Variants in DGKH observed in about 807,000 individuals in gnomAD.
The protein encoded by DGKH is DAG kinase eta.
A neutral mutation model predicts 159.3 loss-of-function variants in DGKH; 90 were observed. The ratio of observed to expected loss-of-function variants is 0.57; its 90% confidence interval spans 0.48 to 0.67. DGKH has a LOEUF of 0.67. Among genes scored for constraint, DGKH ranks in the 30% least tolerant of loss-of-function variants. DGKH has a pLI of 0.00. For missense variants in DGKH, 1,181 were observed against 1,506.1 expected (o/e 0.78, Z 3.57); for synonymous variants, 536 against 553.8 (o/e 0.97, Z 0.45).
intron 3 of DGKH, among the ~76,000 whole-genome samples, chr13:42,132,838 C>T (rs1955314725): frequency 6.6e-6 from 1 of 152,040 alleles, no homozygotes; most frequent in South Asian, 2.1e-4. Context: ...GAGCCATGAT[C>T]CCAGCCTGGG....
intron 30 of DGKH, chr13:42,255,740 G>A: frequency 2.4e-6 from 1 of 408,606 alleles, no homozygotes; most frequent in Non-Finnish European, 4.3e-6. Context: ...ATGACATGTG[G>A]GAAGCAAAAC....
chr13:42,166,717 C>T (rs376902506), intron 9 of DGKH, 43 bp downstream of exon 9: 230 of 1,476,012 alleles, frequency 1.6e-4, no homozygotes, highest in Non-Finnish European at 2.0e-4. Flanking sequence ...CAATGTAGGA[C>T]TAGGTGTTAA....
rs116055196 is a variant in DGKH, at chr13:42,233,326, G to C, written c.*4138G>C. ...CCAGCAGCATCAATATTACCTGGGAGCTTACAGAAATGCAGAATTTCAGGC... is the reference window on the plus strand; with the variant it reads ...CCAGCAGCATCAATATTACCTGGGACCTTACAGAAATGCAGAATTTCAGGC... On this transcript the variant is annotated 3_prime_UTR_variant, in exon 30 of 30. Coordinates refer to ENST00000337343, the MANE Select transcript of DGKH (RefSeq NM_178009.5). The C allele has an allele frequency of 1.3e-5, 2 of 152,174 alleles. No homozygotes were observed. Among genetic ancestry groups the C allele is most frequent in the African/African-American group, 4.8e-5 (2 of 41,430 alleles). The allele number at this position is 152,174 out of a possible 1,614,324, so 9.4% of individuals were successfully genotyped here.
intron 1 of DGKH, among the ~76,000 whole-genome samples, chr13:42,124,591 G>A (rs1392058663): frequency 6.6e-6 from 1 of 152,130 alleles, no homozygotes; most frequent in Admixed American, 6.6e-5. Flanking sequence ...GGTGGTAATG[G>A]TGTATTTGGT....
At chr13:42,195,823 C>T (rs1005881641) in intron 17 of DGKH, 11 of 151,936 alleles carry the variant, frequency 7.2e-5, no homozygotes, top group African/African-American at 2.4e-4. Context: ...TGGACTTCAC[C>T]GAAATGAATA....
chr13:42,055,280 A>T (rs1881671241), intron 1 of DGKH, among the ~76,000 whole-genome samples: 1 of 152,236 alleles, frequency 6.6e-6, no homozygotes, highest in Non-Finnish European at 1.5e-5. Flanking sequence ...GTCCATTTAA[A>T]AAATCTAATC....
intron 26 of DGKH, among the ~76,000 whole-genome samples, chr13:42,217,292 C>T (rs1036277951): frequency 3.9e-5 from 6 of 152,096 alleles, no homozygotes; most frequent in South Asian, 2.1e-4. Flanking sequence ...CGCACTCTGT[C>T]GCAGTAGCGT....
intron 16 of DGKH, among the ~76,000 whole-genome samples, chr13:42,190,732 C>T (rs1463037852): frequency 6.6e-6 from 1 of 152,204 alleles, no homozygotes; most frequent in Non-Finnish European, 1.5e-5. Context: ...TCACATCCCT[C>T]TCTTATCATG....
intron 1 of DGKH, among the ~76,000 whole-genome samples, chr13:42,115,818 G>A (rs1292171122): frequency 6.6e-6 from 1 of 152,132 alleles, no homozygotes; most frequent in Non-Finnish European, 1.5e-5. Flanking sequence ...GTTTTTCAGA[G>A]ATAATTTTGT....
Position 42,174,067 on chromosome 13 carries a change from A to T in DGKH, c.1375A>T (p.Ile459Leu), listed in dbSNP as rs1956539618. ...GAGTTTTTCTCCCTTCAGGTGGAGT[A>T]TAATGACATATGAACTCAAATTGCC... ...ASTKMLDRWS[I>L]MTYELKLPPK... Residue 459 changes from isoleucine (I) to leucine (L), a missense_variant, in exon 12 of 30, where the codon ATA (isoleucine) becomes TTA (leucine). By Grantham distance (5) the Ile-to-Leu change is conservative (BLOSUM62 2). Around this residue, in one of 5 missense-constraint regions of DGKH, gnomAD observed 369 missense variants for 519.4 expected, o/e 0.71. Transcript: ENST00000337343. 6.2e-7 allele frequency: 1 copy of T among 1,613,536 alleles called. No individual in the cohort carries two copies. Among genetic ancestry groups the T allele is most frequent in the Non-Finnish European group, 8.5e-7 (1 of 1,179,802 alleles).
In DGKH at chr13:42,168,778, C is replaced by T. The variant is rs750788824; in HGVS notation, c.1327C>T (p.Leu443=). The T allele has an allele frequency of 6.2e-7, 1 of 1,613,960 alleles. No individual in the cohort carries two copies. Among genetic ancestry groups the T allele is most frequent in the Non-Finnish European group, 8.5e-7 (1 of 1,179,954 alleles). ...CGATGACACCCAACTTCCTCAGATC[C>T]TAGAGAAACTGGAACGAGCCAGTAC... is the stretch of plus-strand genomic sequence containing the variant. ...YDDDTQLPQI[L]EKLERASTKM... Residue 443 remains leucine, a synonymous_variant, in exon 11 of 30, where the codon CTA becomes TTA. Transcript: ENST00000337343.
chr13:42,068,007 C>T (rs80125906), intron 1 of DGKH, among the ~76,000 whole-genome samples: 2,293 of 152,050 alleles, frequency 0.015, 61 homozygotes, highest in African/African-American at 0.05. Context: ...ACAATTAAGA[C>T]TTCTAGAGCA....
chr13:42,091,339 C>G (rs1566096261), intron 1 of DGKH, among the ~76,000 whole-genome samples: 1 of 152,120 alleles, frequency 6.6e-6, no homozygotes, highest in African/African-American at 2.4e-5. Context: ...TTAAAAACTT[C>G]TGTGTGTCAA....
Position 42,189,106 on chromosome 13 carries a change from T to C in DGKH, c.1709T>C (p.Val570Ala). 6.2e-7 allele frequency: 1 copy of C among 1,614,246 alleles called. No individual in the cohort carries two copies. The highest frequency in any genetic ancestry group is 1.1e-5 in the South Asian group (1 of 91,084). ...CACACAGATTCCCAGGCTGCGCCTG[T>C]TCTCCCTGGCCTCAGCCCTCTCATT... is the stretch of plus-strand genomic sequence containing the variant. ...ALHTDSQAAP[V>A]LPGLSPLIVE... The change falls in exon 15 of 30, where the codon GTT (valine) becomes GCT (alanine). Residue 570 changes from valine to alanine, a missense_variant. By Grantham distance (64) the Val-to-Ala change is moderately conservative. Coordinates refer to ENST00000337343, the MANE Select transcript of DGKH (RefSeq NM_178009.5).
intron 3 of DGKH, among the ~76,000 whole-genome samples, chr13:42,131,237 A>G (rs535521544): frequency 2.0e-5 from 3 of 152,322 alleles, no homozygotes; most frequent in Non-Finnish European, 2.9e-5. Context: ...TGTTTCATCC[A>G]GAAGAGAATT....
At chr13:42,197,944 A>G (rs765229405) in intron 17 of DGKH, among the ~76,000 whole-genome samples, 1 of 152,188 alleles carries the variant, frequency 6.6e-6, no homozygotes, top group South Asian at 2.1e-4. Context: ...TTTATATTTA[A>G]TACTATATTC....
At chr13:42,191,176 G>A (rs1297975694) in intron 16 of DGKH, among the ~76,000 whole-genome samples, 1 of 152,074 alleles carries the variant, frequency 6.6e-6, no homozygotes, top group Non-Finnish European at 1.5e-5. Flanking sequence ...ATTGTATATT[G>A]CCTAAGGGAA....
intron 3 of DGKH, among the ~76,000 whole-genome samples, chr13:42,146,397 A>G (rs1009001357): frequency 5.3e-5 from 8 of 152,206 alleles, no homozygotes; most frequent in African/African-American, 1.7e-4. Context: ...TGCCTTCACT[A>G]CTATCATTAT....
At chr13:42,086,218 A>G (rs1192275289) in intron 1 of DGKH, among the ~76,000 whole-genome samples, 1 of 152,196 alleles carries the variant, frequency 6.6e-6, no homozygotes, top group East Asian at 1.9e-4. Context: ...ATGCCCAGCA[A>G]ACCTTAAATT....
Sources: gnomAD v4.1 joint callset for allele counts (sites outside exome capture counted in the v4.1 genomes callset) on GRCh38, gnomAD v4.1.1 for gene constraint, gnomAD v4.1.1 regional missense constraint, MANE v1.5 for transcripts, NCBI Gene and HGNC (gene_info 2026-07-23, HGNC 2026-07-21) for gene names.